MAGI3: variants seen among roughly 807,000 people sequenced by gnomAD.
MAGI3 encodes the protein membrane associated guanylate kinase, WW and PDZ domain containing 3.
MAGI3 carries 43 observed loss-of-function variants against 121.8 expected under a neutral mutation model. The observed-to-expected ratio is 0.35, with a 90% CI of 0.28 to 0.46. MAGI3 has a LOEUF of 0.46. Among genes scored for constraint, MAGI3 ranks in the 20% least tolerant of loss-of-function variants. The pLI is 1.00. For missense variants in MAGI3, 1,547 were observed against 1,797.3 expected, an observed-to-expected ratio of 0.86 and a Z score of 2.52; for synonymous variants, 553 against 639.3, an observed-to-expected ratio of 0.86 and a Z score of 2.04.
rs781350335 is a variant in MAGI3 at position 113,653,872 on chromosome 1, C to T, written c.2483C>T (p.Thr828Ile). 8 of 1,612,768 alleles carry T rather than the reference C, an allele frequency of 5.0e-6. No individual in the cohort carries two copies. The highest frequency in any genetic ancestry group is 2.2e-5 in the East Asian group (1 of 44,772). The stretch of plus-strand genomic sequence containing the variant: ...GACAGCTCTCAGGCCTTCATTTCAA[C>T]ACAGAATGGATCTCCCCGCCTGAAC... ...EDDSSQAFIS[T>I]QNGSPRLNRA... The change falls in exon 15 of 21, where the codon ACA (threonine) becomes ATA (isoleucine). Residue 828 changes from threonine (T) to isoleucine (I), a missense_variant. Coordinates refer to ENST00000307546, the MANE Select transcript of MAGI3 (RefSeq NM_001142782.2).
At position 113,530,217 on chromosome 1, in the gene MAGI3, C is replaced by G. The variant is rs891041633; in HGVS notation, c.317-19298C>G. Among the ~76,000 whole-genome samples the G allele has an allele frequency of 2.2e-4, 33 of 151,272 alleles. 1 individual carries two copies. Among genetic ancestry groups the G allele is most frequent in the African/African-American group, 7.5e-4 (31 of 41,132 alleles). The stretch of plus-strand genomic sequence containing the variant: ...TTTCTATGTACTGTTCTTTAAATAA[C>G]AGTTTTAAAGCTTTATGTTTTATTG... On this transcript the variant is annotated intron_variant, in intron 1 of 20. Coordinates refer to ENST00000307546, the MANE Select transcript of MAGI3 (RefSeq NM_001142782.2).
intron 16 of MAGI3, among the ~76,000 whole-genome samples, chr1:113,669,917 G>A (rs1647434038): frequency 6.6e-6 from 1 of 150,396 alleles, no homozygotes; most frequent in African/African-American, 2.5e-5. Flanking sequence ...GCAGTTAGGA[G>A]GTCAGTATAA....
In MAGI3 at chr1:113,642,179, A is replaced by G; in HGVS notation, c.1629A>G (p.Lys543=). 1 of 1,614,164 alleles carries G rather than the reference A, an allele frequency of 6.2e-7. No individual in the cohort carries two copies. Among genetic ancestry groups the G allele is most frequent in the Non-Finnish European group, 8.5e-7 (1 of 1,180,036 alleles). ...PGAMVLEQNG[K]SGHTLTGDGL... Reference sequence around the variant, plus strand: ...CAATGGTTCTGGAGCAGAATGGAAAATCGGGACACACTTTGACTGGTGATG... The same window carrying G: ...CAATGGTTCTGGAGCAGAATGGAAAGTCGGGACACACTTTGACTGGTGATG... The change falls in exon 10 of 21, where the codon AAA becomes AAG. Residue 543 remains lysine (K), a synonymous_variant. Coordinates refer to ENST00000307546, the MANE Select transcript of MAGI3 (RefSeq NM_001142782.2).
intron 16 of MAGI3, among the ~76,000 whole-genome samples, chr1:113,662,582 GT>G: frequency 6.6e-6 from 1 of 152,178 alleles, no homozygotes; most frequent in East Asian, 1.9e-4. Flanking sequence ...CTTTTGTTTT[GT>G]TTTGTTTTCA....
chr1:113,520,367 A>G (rs1658117188), intron 1 of MAGI3, among the ~76,000 whole-genome samples: 2 of 152,156 alleles, frequency 1.3e-5, no homozygotes, highest in Admixed American at 1.3e-4. Context: ...TGAATCAGGC[A>G]TGATTCCTGC....
chr1:113,481,734 G>T (rs974745675), intron 1 of MAGI3, among the ~76,000 whole-genome samples: 3 of 151,938 alleles, frequency 2.0e-5, no homozygotes, highest in African/African-American at 4.8e-5. Context: ...TTCTATTTTT[G>T]TATTTGTTTT....
intron 4 of MAGI3, among the ~76,000 whole-genome samples, chr1:113,588,844 C>A (rs1295527970): frequency 6.6e-6 from 1 of 152,146 alleles, no homozygotes; most frequent in Non-Finnish European, 1.5e-5. Flanking sequence ...CAAATATAAA[C>A]TCTTTCAAGG....
At chr1:113,634,413 A>G (rs1185174490) in intron 9 of MAGI3, among the ~76,000 whole-genome samples, 1 of 152,190 alleles carries the variant, frequency 6.6e-6, no homozygotes, top group African/African-American at 2.4e-5. Context: ...ATTTTTGTAT[A>G]AGGTGTAAGG....
At chr1:113,396,121 A>C (rs186980779) in intron 1 of MAGI3, among the ~76,000 whole-genome samples, 1 of 152,118 alleles carries the variant, frequency 6.6e-6, no homozygotes, top group Non-Finnish European at 1.5e-5. Flanking sequence ...GTCAGTGCCT[A>C]ATCTTCTCAA....
intron 8 of MAGI3, among the ~76,000 whole-genome samples, chr1:113,620,060 C>T (rs758098732): frequency 2.0e-5 from 3 of 152,068 alleles, no homozygotes; most frequent in Non-Finnish European, 2.9e-5. Flanking sequence ...GAAGGGATTT[C>T]GGCAGCTTTT....
At chr1:113,392,638 C>T (rs188937181) in intron 1 of MAGI3, among the ~76,000 whole-genome samples, 9 of 152,196 alleles carry the variant, frequency 5.9e-5, no homozygotes, top group Admixed American at 1.3e-4. Context: ...CTTTCTATAG[C>T]GTATTCCATC....
intron 1 of MAGI3, among the ~76,000 whole-genome samples, chr1:113,416,420 T>TATA (rs59297534): frequency 7.1e-5 from 1 of 14,178 alleles, no homozygotes; most frequent in African/African-American, 2.4e-4. Context: ...TAATTAATAA[T>TATA]TAATAATATA....
intron 1 of MAGI3, among the ~76,000 whole-genome samples, chr1:113,429,041 C>G (rs539286074): frequency 6.6e-6 from 1 of 152,262 alleles, no homozygotes; most frequent in South Asian, 2.1e-4. Flanking sequence ...TATTGTCAGT[C>G]TTTACTGTAG....
intron 1 of MAGI3, among the ~76,000 whole-genome samples, chr1:113,548,750 T>C (rs1170788225): frequency 1.3e-5 from 2 of 152,228 alleles, no homozygotes. Flanking sequence ...TAAATCTCAC[T>C]CTGGCTTCTA....
rs1361578050 is a variant in MAGI3 at position 113,422,347 on chromosome 1, C to T, written c.316+30998C>T. On this transcript the variant is annotated intron_variant, in intron 1 of 20. Coordinates refer to ENST00000307546, the MANE Select transcript of MAGI3 (RefSeq NM_001142782.2). The surrounding 1 kb of genome is among the most constrained non-coding windows in gnomAD (Gnocchi z 4.3). ...ACAGCATCCTTAGGGTGTTGCTTCACTAGCCGGAAACTTCTGTGCCGGTGG... is the reference window on the plus strand; with the variant it reads ...ACAGCATCCTTAGGGTGTTGCTTCATTAGCCGGAAACTTCTGTGCCGGTGG... 6.6e-6 allele frequency among the ~76,000 whole-genome samples: 1 copy of T among 152,248 alleles called. No individual in the cohort carries two copies. The highest frequency in any genetic ancestry group is 2.4e-5 in the African/African-American group (1 of 41,466).
At chr1:113,515,950 T>C (rs1657878030) in intron 1 of MAGI3, among the ~76,000 whole-genome samples, 1 of 152,018 alleles carries the variant, frequency 6.6e-6, no homozygotes, top group African/African-American at 2.4e-5. Flanking sequence ...GGGTAATTAA[T>C]TTGTTCTGGA....
chr1:113,435,192 T>G (rs1653505147), intron 1 of MAGI3, among the ~76,000 whole-genome samples: 1 of 152,218 alleles, frequency 6.6e-6, no homozygotes, highest in Non-Finnish European at 1.5e-5. Context: ...AAATTAGATT[T>G]TAGTGTTTTG....
At chr1:113,548,714 G>A (rs945198546) in intron 1 of MAGI3, among the ~76,000 whole-genome samples, 9 of 152,200 alleles carry the variant, frequency 5.9e-5, no homozygotes, top group African/African-American at 2.2e-4. Context: ...ACCCTAAACA[G>A]AGTAGTAATT....
intron 1 of MAGI3, among the ~76,000 whole-genome samples, chr1:113,441,351 G>C (rs1384140851): frequency 1.3e-5 from 2 of 152,132 alleles, no homozygotes; most frequent in Non-Finnish European, 2.9e-5. Flanking sequence ...GACTGGGAGA[G>C]AAGAGGAAAA....
Sources: gnomAD v4.1 joint callset for allele counts (sites outside exome capture counted in the v4.1 genomes callset) on GRCh38, gnomAD v4.1.1 for gene constraint, Gnocchi (gnomAD v3.1) non-coding constraint, MANE v1.5 for transcripts, NCBI Gene and HGNC (gene_info 2026-07-23, HGNC 2026-07-21) for gene names.